The following COL4A6 variants were observed in gnomAD, a reference collection of about 807,000 sequenced individuals.
COL4A6 encodes the protein collagen alpha-6(IV) chain.
Under a neutral mutation model 126.7 loss-of-function variants are expected in COL4A6, and 59 were observed. The ratio of observed to expected loss-of-function variants is 0.47; its 90% CI spans 0.38 to 0.58. COL4A6 has a LOEUF of 0.58. COL4A6 is among the 20% of genes least tolerant of loss of function. The pLI, the probability that COL4A6 is intolerant of heterozygous loss-of-function variation, is 0.00. For missense variants in COL4A6, 1,285 were observed against 1,337.3 expected (o/e 0.96, Z 0.61); for synonymous variants, 547 against 496.6 (o/e 1.10, Z -1.35).
intron 36 of COL4A6, 54 bp from the exon 37 acceptor site, chrX:108,169,674 T>TG: frequency 8.6e-7 from 1 of 1,159,384 alleles, no homozygotes; most frequent in Non-Finnish European, 1.2e-6. Context: ...GAGGCCTTCC[T>TG]GCCTAACTCA....
chrX:108,366,117 A>G (rs2040193089), intron 2 of COL4A6, among the ~76,000 whole-genome samples: 1 of 111,624 alleles, frequency 9.0e-6, no homozygotes, highest in Admixed American at 9.5e-5. Context: ...TATCATTCTC[A>G]TACCTTATAT....
At chrX:108,214,907 T>G (rs1245979387) in intron 5 of COL4A6, among the ~76,000 whole-genome samples, 1 of 112,529 alleles carries the variant, frequency 8.9e-6, no homozygotes, top group Non-Finnish European at 1.9e-5. Context: ...ACAATTCATC[T>G]GAATTCAATA....
intron 3 of COL4A6, among the ~76,000 whole-genome samples, chrX:108,282,488 C>T (rs1014804932): frequency 2.7e-5 from 3 of 110,977 alleles, no homozygotes; most frequent in Non-Finnish European, 3.8e-5. Context: ...ATTAAAAAGT[C>T]AGGAAACAAC....
chrX:108,217,564 G>A (rs1266317278), intron 5 of COL4A6, among the ~76,000 whole-genome samples: 1 of 111,230 alleles, frequency 9.0e-6, no homozygotes, highest in Admixed American at 9.5e-5. Context: ...GGAGCTGGAT[G>A]AGACTATCAC....
Position 108,400,005 on chromosome X carries a change from A to G in COL4A6, c.63+37937T>C, listed in dbSNP as rs943611640. Among the ~76,000 whole-genome samples, 3 of 111,425 alleles carry G rather than the reference A, an allele frequency of 2.7e-5. No individual in the cohort carries two copies. The Admixed American group carries it at 2.9e-4, about 11-fold the overall frequency. On this transcript the variant is annotated intron_variant, in intron 2 of 44. Transcript: ENST00000334504. ...AGTCAAGACATGCTTTATGATTTCTATCAGACTCTGTATTCAGACTACATG... is the reference window on the plus strand; with the variant it reads ...AGTCAAGACATGCTTTATGATTTCTGTCAGACTCTGTATTCAGACTACATG...
chrX:108,295,476 C>T (rs930778857), intron 3 of COL4A6, among the ~76,000 whole-genome samples: 7 of 112,599 alleles, frequency 6.2e-5, no homozygotes, highest in Non-Finnish European at 1.3e-4. Flanking sequence ...AAAAATAAGA[C>T]TGTTGTTTAA....
intron 3 of COL4A6, among the ~76,000 whole-genome samples, chrX:108,258,805 T>C (rs967744363): frequency 1.9e-4 from 21 of 111,873 alleles, no homozygotes; most frequent in African/African-American, 5.8e-4. Flanking sequence ...ATGGTATTTC[T>C]CACTTTAGAA....
upstream of COL4A6, chrX:108,438,580 C>A: frequency 2.0e-6 from 1 of 508,947 alleles, no homozygotes; most frequent in Non-Finnish European, 2.7e-6. Context: ...ACACACAGCC[C>A]CTTAGAGACC....
At chrX:108,246,997 C>T (rs146918999) in intron 3 of COL4A6, among the ~76,000 whole-genome samples, 7 of 111,711 alleles carry the variant, frequency 6.3e-5, no homozygotes, top group African/African-American at 1.6e-4. Flanking sequence ...ATGATGATGA[C>T]GCTTATTAAT....
chrX:108,165,661 G>C (rs1569324908), intron 37 of COL4A6, among the ~76,000 whole-genome samples, 175 bp from the exon 38 acceptor site: 3 of 111,756 alleles, frequency 2.7e-5, no homozygotes, highest in African/African-American at 9.8e-5. Flanking sequence ...CCAGAAAGCA[G>C]ACTAACTGAC....
chrX:108,320,317 T>G (rs1179441215), intron 2 of COL4A6, among the ~76,000 whole-genome samples: 3 of 111,414 alleles, frequency 2.7e-5, no homozygotes, highest in African/African-American at 9.8e-5. Context: ...ATCAATATTG[T>G]GAGGTTTTTG....
intron 2 of COL4A6, among the ~76,000 whole-genome samples, chrX:108,333,190 T>C (rs1249756406): frequency 9.0e-6 from 1 of 111,488 alleles, no homozygotes; most frequent in Non-Finnish European, 1.9e-5. Context: ...AATCTATGTG[T>C]CTATTTTTAT....
At chrX:108,273,551 A>C (rs183233986) in intron 3 of COL4A6, among the ~76,000 whole-genome samples, 7 of 112,321 alleles carry the variant, frequency 6.2e-5, no homozygotes, top group African/African-American at 2.3e-4. Flanking sequence ...TTGCAGCACT[A>C]CTCACAATAG....
At chrX:108,207,870 GAATCCAATCTCC>G (rs1376912095) in intron 8 of COL4A6, among the ~76,000 whole-genome samples, 3 of 110,802 alleles carry the variant, frequency 2.7e-5, no homozygotes, top group Non-Finnish European at 3.8e-5. Context: ...GAGAGGTCCT[GAATCCAATCTCC>G]CATGGATACC....
In COL4A6 at chrX:108,220,520, C is replaced by T. The variant is rs745417440; in HGVS notation, c.279+720G>A. On this transcript the variant is annotated intron_variant, in intron 4 of 44. Transcript: ENST00000334504. ...GAGCTGCTGAACAGTCAGCCTGCCA[C>T]CATGACATTATCACTCTCGTTTCTT... 2.7e-4 allele frequency among the ~76,000 whole-genome samples: 30 copies of T among 111,901 alleles called. No individual in the cohort carries two copies. The Middle Eastern group carries it at 0.019, about 72-fold the overall frequency.
chrX:108,289,198 C>T (rs1378776704), intron 3 of COL4A6, among the ~76,000 whole-genome samples: 1 of 108,621 alleles, frequency 9.2e-6, no homozygotes, highest in Non-Finnish European at 1.9e-5. Context: ...GACTCTAAAC[C>T]TGTATATTTT....
At chrX:108,310,688 A>G (rs2147909338) in intron 3 of COL4A6, 60 bp downstream of exon 3, 2 of 1,033,685 alleles carry the variant, frequency 1.9e-6, no homozygotes, top group South Asian at 3.9e-5. Flanking sequence ...ATTTCTAAAG[A>G]AAACAGATAA....
intron 2 of COL4A6, among the ~76,000 whole-genome samples, chrX:108,322,748 G>A: frequency 8.9e-6 from 1 of 112,039 alleles, no homozygotes; most frequent in African/African-American, 3.2e-5. Flanking sequence ...TAGGGAGCAT[G>A]TGAGGAATAC....
In COL4A6 at chrX:108,195,109, T is replaced by C. The variant is rs764162537; in HGVS notation, c.921A>G (p.Glu307=). 8.3e-6 allele frequency: 10 copies of C among 1,204,106 alleles called. No individual in the cohort carries two copies. In the African/African-American group the frequency reaches 1.2e-4, roughly 15 times the overall value. ...LPGPRGPMGS[E]GVQGPPGQQG... is the part of the protein sequence containing the mutation. ...GTTGCCCTGGAGGGCCTTGGACTCC[T>C]TCTGAACCCATGGGACCCTGTAAAG... Residue 307 remains glutamate, a synonymous_variant, in exon 15 of 45, where the codon GAA becomes GAG. Coordinates refer to ENST00000334504, the MANE Select transcript of COL4A6 (RefSeq NM_033641.4).
Sources: gnomAD v4.1 joint callset for allele counts (sites outside exome capture counted in the v4.1 genomes callset) on GRCh38, gnomAD v4.1.1 for gene constraint, MANE v1.5 for transcripts, NCBI Gene and HGNC (gene_info 2026-07-23, HGNC 2026-07-21) for gene names.